Variants in IL13RA1 observed in about 807,000 individuals in gnomAD.
IL13RA1 encodes the protein interleukin-13 receptor subunit alpha-1.
Under a neutral mutation model 33.8 loss-of-function variants are expected in IL13RA1, and 14 were observed. That is an observed-to-expected ratio of 0.41 (90% confidence interval 0.27 to 0.65). IL13RA1 has a LOEUF of 0.65. IL13RA1 is among the 30% of genes least tolerant of loss of function. The pLI, the probability that IL13RA1 is intolerant of heterozygous loss-of-function variation, is 0.28. For missense variants in IL13RA1, 313 were observed against 327.0 expected (o/e 0.96, Z 0.33); for synonymous variants, 116 against 115.7 (o/e 1.00, Z -0.02).
intron 1 of IL13RA1, among the ~76,000 whole-genome samples, chrX:118,731,924 C>A (rs899899731): frequency 1.8e-5 from 2 of 111,835 alleles, no homozygotes; most frequent in African/African-American, 6.5e-5. Flanking sequence ...GTAGTATAAT[C>A]ATCACTTAAT....
intron 10 of IL13RA1, 30 bp downstream of exon 10, chrX:118,776,541 G>GTTTTTTT (rs5903529): frequency 1.5e-4 from 34 of 219,723 alleles, no homozygotes; most frequent in East Asian, 2.4e-4. Flanking sequence ...GGCTTGAAAT[G>GTTTTTTT]TTTTTTTTTT....
chrX:118,730,766 C>T (rs942949292), intron 1 of IL13RA1, among the ~76,000 whole-genome samples: 3 of 111,962 alleles, frequency 2.7e-5, no homozygotes, highest in Non-Finnish European at 3.8e-5. Flanking sequence ...AAATGTGCTG[C>T]GAACCCTTCC....
chrX:118,767,482 A>T (rs1316500213), intron 8 of IL13RA1, among the ~76,000 whole-genome samples: 2 of 111,083 alleles, frequency 1.8e-5, no homozygotes, highest in African/African-American at 6.6e-5. Context: ...CGGAGGTTAC[A>T]GTGAGCTGAG....
In IL13RA1 at chrX:118,781,443, C is replaced by T. The variant is rs188696229; in HGVS notation, c.1191+4932C>T. ...TCTTGGCTCACTGCAAACTTTGCCT[C>T]CCAGGTTCAAGTGATTCTCCTGCCT... is the stretch of plus-strand genomic sequence containing the variant. On this transcript the variant is annotated intron_variant, in intron 10 of 10. Transcript: ENST00000371666. Among the ~76,000 whole-genome samples the T allele has an allele frequency of 7.7e-3, 856 of 111,116 alleles. 3 individuals are homozygous for T. Among genetic ancestry groups the T allele is most frequent in the Non-Finnish European group, 0.012 (631 of 52,949 alleles).
chrX:118,786,009 T>C (rs2017912825), intron 10 of IL13RA1, among the ~76,000 whole-genome samples: 1 of 112,458 alleles, frequency 8.9e-6, no homozygotes, highest in African/African-American at 3.2e-5. Context: ...AGTTTTGAAA[T>C]ATTAGGTTGT....
At chrX:118,745,640 T>C (rs142127386) in intron 2 of IL13RA1, among the ~76,000 whole-genome samples, 2,505 of 111,887 alleles carry the variant, frequency 0.022, 60 homozygotes, top group African/African-American at 0.078. Context: ...GCATGTGACA[T>C]GGCAGAATAG....
intron 4 of IL13RA1, among the ~76,000 whole-genome samples, chrX:118,752,369 A>G (rs1266879621): frequency 5.4e-5 from 6 of 111,360 alleles, no homozygotes; most frequent in Non-Finnish European, 1.1e-4. Context: ...CAAACACAAC[A>G]CTAGATTTCA....
At position 118,747,350 on chromosome X, in the gene IL13RA1, C is replaced by T. The variant is rs137870918; in HGVS notation, c.367+258C>T. Among the ~76,000 whole-genome samples the T allele has an allele frequency of 7.7e-3, 838 of 109,227 alleles. 6 individuals carry two copies. The highest frequency in any genetic ancestry group is 0.028 in the Middle Eastern group (6 of 218). 94.9% of individuals were successfully genotyped at this position (109,227 alleles called of 115,157 possible). ...ATTTAAAAAATGATATACACATGCA[C>T]GCGCGCGCACACACACACTCACACA... On this transcript the variant is annotated intron_variant, in intron 3 of 10. Coordinates refer to ENST00000371666, the MANE Select transcript of IL13RA1 (RefSeq NM_001560.3).
intron 4 of IL13RA1, among the ~76,000 whole-genome samples, chrX:118,754,927 C>A (rs986279958): frequency 2.8e-5 from 3 of 105,870 alleles, no homozygotes; most frequent in African/African-American, 1.0e-4. Flanking sequence ...CCATAAAATA[C>A]GGAGTCTTTC....
intron 10 of IL13RA1, among the ~76,000 whole-genome samples, chrX:118,788,830 G>A (rs1270809659): frequency 3.6e-5 from 4 of 111,560 alleles, no homozygotes; most frequent in Non-Finnish European, 7.5e-5. Context: ...TGATCAAGGG[G>A]GAGGGTATAT....
At chrX:118,727,909 G>T (rs1458574097) in intron 1 of IL13RA1, among the ~76,000 whole-genome samples, 183 bp downstream of exon 1, 2 of 112,416 alleles carry the variant, frequency 1.8e-5, no homozygotes, top group Admixed American at 9.2e-5. Context: ...TCTGGGGCCC[G>T]GTACTGGGGC....
At chrX:118,756,049 G>C (rs2017527378) in intron 4 of IL13RA1, among the ~76,000 whole-genome samples, 1 of 110,518 alleles carries the variant, frequency 9.0e-6, no homozygotes, top group South Asian at 3.8e-4. Flanking sequence ...GAATCTCCTG[G>C]AGAATTGCTG....
chrX:118,773,308 T>C (rs1439204644), intron 8 of IL13RA1, among the ~76,000 whole-genome samples: 2 of 111,600 alleles, frequency 1.8e-5, no homozygotes, highest in African/African-American at 6.5e-5. Context: ...CTGGCCCAAA[T>C]AGGGAAACCC....
intron 8 of IL13RA1, among the ~76,000 whole-genome samples, chrX:118,772,278 C>T (rs748929212): frequency 1.8e-5 from 2 of 112,652 alleles, no homozygotes; most frequent in Admixed American, 9.3e-5. Flanking sequence ...TGTGTGCGTG[C>T]GCACACGTGC....
intron 10 of IL13RA1, among the ~76,000 whole-genome samples, chrX:118,790,290 T>G (rs1324274928): frequency 8.9e-6 from 1 of 112,572 alleles, no homozygotes; most frequent in Non-Finnish European, 1.9e-5. Flanking sequence ...TTAAGAGACA[T>G]CCACACTGTG....
the IL13RA1 span, among the ~76,000 whole-genome samples, chrX:118,800,614 C>G: frequency 4.5e-5 from 5 of 110,303 alleles, no homozygotes; most frequent in African/African-American, 1.6e-4. Flanking sequence ...GGGTCCGCGG[C>G]TTCATTCTTG....
chrX:118,776,548 T>TG (rs779613706), intron 10 of IL13RA1, 37 bp downstream of exon 10: 17 of 477,868 alleles, frequency 3.6e-5, no homozygotes, highest in South Asian at 2.9e-4. Context: ...AATGTTTTTT[T>TG]TTTTTTTTTT....
chrX:118,746,999 G>A lies in IL13RA1; in HGVS notation c.274G>A (p.Glu92Lys). The A allele has an allele frequency of 8.5e-7, 1 of 1,171,023 alleles. No individual in the cohort carries two copies. Among genetic ancestry groups the A allele is most frequent in the Non-Finnish European group, 1.2e-6 (1 of 859,052 alleles). ...TRRSIEVPLNERICLQVGSQC... is the reference protein window; with the variant it reads ...TRRSIEVPLNKRICLQVGSQC... ...TCGTTCAATAGAAGTACCCCTGAAT[G>A]AGAGGATTTGTCTGCAAGTGGGGTC... Residue 92 changes from glutamate to lysine, a missense_variant, in exon 3 of 11, where the codon GAG becomes AAG. By Grantham distance (56) the Glu-to-Lys change is moderately conservative (BLOSUM62 1). Coordinates refer to ENST00000371666, the MANE Select transcript of IL13RA1 (RefSeq NM_001560.3).
At chrX:118,749,900 A>G (rs1402889028) in intron 4 of IL13RA1, 122 bp downstream of exon 4, 1 of 453,803 alleles carries the variant, frequency 2.2e-6, no homozygotes, top group East Asian at 3.5e-5. Flanking sequence ...CAAGATGGAC[A>G]GTTTGCTTCA....
Sources: allele counts gnomAD v4.1 joint callset (sites outside exome capture counted in the v4.1 genomes callset), GRCh38; gene constraint gnomAD v4.1.1; transcripts MANE v1.5; gene names NCBI Gene and HGNC (gene_info 2026-07-23, HGNC 2026-07-21).